The following DENND4C variants were observed in gnomAD, a reference collection of about 807,000 sequenced individuals.
DENND4C encodes the protein DENN domain-containing protein 4C.
A neutral mutation model predicts 203.0 loss-of-function variants in DENND4C; 108 were observed. The observed-to-expected ratio is 0.53, with a 90% CI of 0.46 to 0.62. The LOEUF is 0.62. Ranked by LOEUF, DENND4C falls within the 20% of genes least tolerant of loss-of-function variation. DENND4C has a pLI of 0.00. For synonymous variants in DENND4C, 871 were observed against 792.4 expected (o/e 1.10, Z -1.67); for missense variants, 2,481 against 2,301.2 (o/e 1.08, Z -1.60).
chr9:19,306,499 C>G (rs951470513), intron 10 of DENND4C, among the ~76,000 whole-genome samples: 2 of 152,066 alleles, frequency 1.3e-5, no homozygotes, highest in African/African-American at 4.8e-5. Context: ...TTTTTTGTAG[C>G]ACACATTTTA....
At chr9:19,364,625 G>A (rs993207469) in intron 30 of DENND4C, among the ~76,000 whole-genome samples, 1 of 151,772 alleles carries the variant, frequency 6.6e-6, no homozygotes, top group Non-Finnish European at 1.5e-5. Flanking sequence ...GGGCACGATG[G>A]CTCACGCCTG....
At chr9:19,264,231 T>A (rs143762764) in intron 1 of DENND4C, among the ~76,000 whole-genome samples, 1 of 152,248 alleles carries the variant, frequency 6.6e-6, no homozygotes, top group East Asian at 1.9e-4. Context: ...TTTGGTAGGT[T>A]GTATGTTTCT....
At chr9:19,283,455 G>A (rs1287140259) in intron 2 of DENND4C, among the ~76,000 whole-genome samples, 1 of 152,048 alleles carries the variant, frequency 6.6e-6, no homozygotes, top group African/African-American at 2.4e-5. Context: ...TAAATACTAG[G>A]TGATAAGAAT....
intron 1 of DENND4C, among the ~76,000 whole-genome samples, chr9:19,241,399 GA>G (rs1823674983): frequency 6.6e-6 from 1 of 151,684 alleles, no homozygotes; most frequent in Non-Finnish European, 1.5e-5. Context: ...TTTTTTTAGA[GA>G]TAGAGTCTCG....
chr9:19,273,361 T>C (rs1170217228), intron 1 of DENND4C, among the ~76,000 whole-genome samples: 2 of 151,992 alleles, frequency 1.3e-5, no homozygotes, highest in Admixed American at 6.6e-5. Context: ...GCAGGAATTA[T>C]AGGTGTAAGC....
chr9:19,352,010 A>T (rs181896615), intron 24 of DENND4C, 63 bp from the exon 25 acceptor site: 28 of 1,364,440 alleles, frequency 2.1e-5, no homozygotes, highest in Middle Eastern at 3.6e-4. Flanking sequence ...ATACTTTGGC[A>T]TGCATTTTCA....
intron 10 of DENND4C, among the ~76,000 whole-genome samples, chr9:19,309,646 T>C (rs1017590516): frequency 1.3e-5 from 2 of 152,058 alleles, no homozygotes; most frequent in Non-Finnish European, 2.9e-5. Flanking sequence ...CTCTATTTGG[T>C]CTTTTGTTTT....
chr9:19,292,046 C>T (rs1473507686), intron 5 of DENND4C, among the ~76,000 whole-genome samples: 7 of 150,674 alleles, frequency 4.6e-5, no homozygotes, highest in African/African-American at 9.8e-5. Context: ...TTTTTTGAGA[C>T]GGAATGTCAC....
At chr9:19,320,429 C>T (rs867397128) in intron 12 of DENND4C, among the ~76,000 whole-genome samples, 1 of 152,140 alleles carries the variant, frequency 6.6e-6, no homozygotes, top group African/African-American at 2.4e-5. Flanking sequence ...GAACTCCTGA[C>T]CTCAGGTGAT....
At chr9:19,360,525 A>G (rs953364428) in intron 29 of DENND4C, 36 bp downstream of exon 29, 6 of 1,612,552 alleles carry the variant, frequency 3.7e-6, no homozygotes, top group Non-Finnish European at 4.2e-6. Flanking sequence ...ATTAGTATTC[A>G]GTAGGATGAG....
At chr9:19,244,027 T>C (rs1176445123) in intron 1 of DENND4C, among the ~76,000 whole-genome samples, 1 of 152,056 alleles carries the variant, frequency 6.6e-6, no homozygotes, top group African/African-American at 2.4e-5. Flanking sequence ...TTGTCCAGGC[T>C]GGTCTTTTTT....
chr9:19,250,569 A>G (rs2131596803), intron 1 of DENND4C, among the ~76,000 whole-genome samples: 1 of 152,018 alleles, frequency 6.6e-6, no homozygotes, highest in East Asian at 1.9e-4. Context: ...AAAAGTCCAC[A>G]GTCCAAAGTC....
chr9:19,276,999 T>G (rs1250478456), intron 2 of DENND4C, among the ~76,000 whole-genome samples: 1 of 151,944 alleles, frequency 6.6e-6, no homozygotes, highest in Non-Finnish European at 1.5e-5. Context: ...AGTCTACCAG[T>G]GAAGGACATT....
intron 5 of DENND4C, among the ~76,000 whole-genome samples, chr9:19,295,408 G>A (rs1313675114): frequency 2.2e-4 from 33 of 152,224 alleles, no homozygotes; most frequent in African/African-American, 7.7e-4. Flanking sequence ...GGGAGGCTGA[G>A]TCAGGAGAAT....
At chr9:19,319,156 C>T (rs138976704) in intron 12 of DENND4C, among the ~76,000 whole-genome samples, 1,667 of 145,912 alleles carry the variant, frequency 0.011, 31 homozygotes, top group African/African-American at 0.038. Flanking sequence ...AAGAGTGAAA[C>T]TTCATCTCAA....
intron 1 of DENND4C, among the ~76,000 whole-genome samples, chr9:19,249,257 GTTT>G (rs548106647): frequency 2.1e-4 from 30 of 142,628 alleles, no homozygotes; most frequent in African/African-American, 7.1e-4. Context: ...AGTAATTTTT[GTTT>G]TTTTTTTTTG....
chr9:19,298,113 C>T lies in DENND4C; in HGVS notation c.1098C>T (p.Ile366=), dbSNP rs1837826937. Residue 366 remains isoleucine, a synonymous_variant, in exon 7 of 33, where the codon ATC becomes ATT. Transcript: ENST00000434457. ...TTCCTTCACCACAAAGACCGAGAAT[C>T]CTTGTCCAGGTAATCAAAAGAGAGT... is the stretch of plus-strand genomic sequence containing the variant. ...IPFPSPQRPR[I]LVQLSVHDAL... is the part of the protein sequence containing the mutation. 1.2e-6 allele frequency: 2 copies of T among 1,608,778 alleles called. No homozygotes were observed. The highest frequency in any genetic ancestry group is 1.7e-6 in the Non-Finnish European group (2 of 1,177,280).
At chr9:19,353,827 C>T (rs984496241) in intron 26 of DENND4C, among the ~76,000 whole-genome samples, 2 of 152,070 alleles carry the variant, frequency 1.3e-5, no homozygotes, top group African/African-American at 4.8e-5. Flanking sequence ...GTCCCAGCAA[C>T]CAGGAGGCTG....
At chr9:19,264,368 G>A (rs1289289100) in intron 1 of DENND4C, among the ~76,000 whole-genome samples, 5 of 151,790 alleles carry the variant, frequency 3.3e-5, no homozygotes, top group Admixed American at 1.3e-4. Flanking sequence ...ATGCAGTGGC[G>A]CAATTTCGGC....
Sources: gnomAD v4.1 joint callset for allele counts (sites outside exome capture counted in the v4.1 genomes callset) on GRCh38, gnomAD v4.1.1 for gene constraint, MANE v1.5 for transcripts, NCBI Gene and HGNC (gene_info 2026-07-23, HGNC 2026-07-21) for gene names.